The following RFWD3 variants were observed in gnomAD, a reference collection of about 807,000 sequenced individuals.
RFWD3 encodes the protein ring finger and WD repeat domain 3.
RFWD3 carries 65 observed loss-of-function variants against 87.7 expected under a neutral mutation model. The observed-to-expected ratio is 0.74, with a 90% CI of 0.61 to 0.91. The LOEUF is 0.91. Among genes scored for constraint, RFWD3 ranks in the 40% least tolerant of loss-of-function variants. The pLI is 0.00. For synonymous variants in RFWD3, 433 were observed against 352.8 expected (o/e 1.23, Z -2.55); for missense variants, 1,078 against 938.5 (o/e 1.15, Z -1.94).
chr16:74,630,556 G>A (rs1037105195), intron 10 of RFWD3, among the ~76,000 whole-genome samples: 1 of 152,150 alleles, frequency 6.6e-6, no homozygotes, highest in Non-Finnish European at 1.5e-5. Context: ...TGATTACTAT[G>A]AACCTGGCTA....
chr16:74,637,966 G>A lies in RFWD3; in HGVS notation c.1084C>T (p.Leu362=), dbSNP rs1462119317. The A allele has an allele frequency of 6.2e-7, 1 of 1,605,562 alleles. No homozygotes were observed. The highest frequency in any genetic ancestry group is 8.5e-7 in the Non-Finnish European group (1 of 1,175,350). ...TSEQERMKSS[L]LKEQMLRKQA... is the part of the protein sequence containing the mutation. ...TTCCTTAGCATCTGTTCCTTCAGTA[G>A]GGAACTAGAGGGGGAAAGCCAGCAA... Residue 362 remains leucine (L), a synonymous_variant, in exon 7 of 13, where the codon CTA becomes TTA. Transcript: ENST00000361070.
chr16:74,647,241 ACAG>A (rs1378616990), intron 4 of RFWD3, among the ~76,000 whole-genome samples: 1 of 152,214 alleles, frequency 6.6e-6, no homozygotes, highest in Non-Finnish European at 1.5e-5. Context: ...GGAAGAATTC[ACAG>A]CAGATGTAAA....
chr16:74,663,966 A>G (rs918342006), intron 1 of RFWD3, among the ~76,000 whole-genome samples: 1 of 152,226 alleles, frequency 6.6e-6, no homozygotes, highest in African/African-American at 2.4e-5. Context: ...AGCCAGCTAA[A>G]ACAAAACACA....
Position 74,661,098 on chromosome 16 carries a change from GCAA to G in RFWD3, c.349_351del (p.Leu117del). ...CCGCTGATGAAGTTGGTCATTGAATGCAACGAAGATGCTGGGATGGTGTGATTA... is the reference window on the plus strand; with the variant it reads ...CCGCTGATGAAGTTGGTCATTGAATGCGAAGATGCTGGGATGGTGTGATTA... On this transcript the variant is annotated inframe_deletion, in exon 2 of 13. Transcript: ENST00000361070. 6.2e-7 allele frequency: 1 copy of G among 1,614,206 alleles called. No homozygotes were observed. Among genetic ancestry groups the G allele is most frequent in the South Asian group, 1.1e-5 (1 of 91,090 alleles).
intron 6 of RFWD3, among the ~76,000 whole-genome samples, chr16:74,640,180 T>C (rs1333478545): frequency 6.6e-6 from 1 of 151,664 alleles, no homozygotes; most frequent in Non-Finnish European, 1.5e-5. Context: ...TCTTGCTCTG[T>C]TGCCCAGGTT....
chr16:74,639,096 T>C (rs1265262844), intron 6 of RFWD3, among the ~76,000 whole-genome samples: 1 of 149,478 alleles, frequency 6.7e-6, no homozygotes, highest in Admixed American at 6.8e-5. Context: ...TGCAGAGCAG[T>C]GGCGTGATCC....
At chr16:74,645,775 C>CA (rs1373121695) in intron 4 of RFWD3, among the ~76,000 whole-genome samples, 1 of 101,852 alleles carries the variant, frequency 9.8e-6, no homozygotes, top group Non-Finnish European at 1.8e-5. Context: ...TTTTTTGAGA[C>CA]AGACTCTCGC....
intron 1 of RFWD3, 65 bp from the exon 2 acceptor site, chr16:74,661,516 A>G: frequency 7.7e-7 from 1 of 1,292,916 alleles, no homozygotes; most frequent in Non-Finnish European, 1.1e-6. Context: ...TAGGTGACAG[A>G]ATCATATTTA....
At chr16:74,633,869 G>C (rs1005169017) in intron 8 of RFWD3, among the ~76,000 whole-genome samples, 1 of 151,820 alleles carries the variant, frequency 6.6e-6, no homozygotes, top group African/African-American at 2.4e-5. Flanking sequence ...AGGATGACTT[G>C]AGCCCAGGAG....
At chr16:74,635,362 G>C (rs1390226025) in intron 8 of RFWD3, among the ~76,000 whole-genome samples, 1 of 152,008 alleles carries the variant, frequency 6.6e-6, no homozygotes, top group Admixed American at 6.6e-5. Flanking sequence ...AACTACTTGG[G>C]AGGCTGAGGC....
At chr16:74,656,990 T>C (rs79947864) in intron 2 of RFWD3, among the ~76,000 whole-genome samples, 3 of 152,326 alleles carry the variant, frequency 2.0e-5, no homozygotes, top group Non-Finnish European at 4.4e-5. Flanking sequence ...TTCCTTCTTA[T>C]TGGTTAGTTT....
chr16:74,664,751 A>AAGAG (rs1200065966), intron 1 of RFWD3: 1 of 39,218 alleles, frequency 2.5e-5, no homozygotes, highest in Non-Finnish European at 4.7e-5. Flanking sequence ...TCCGTCTAAA[A>AAGAG]AAAGAAAAAA....
rs1958763995 is a variant in RFWD3 at position 74,621,446 on chromosome 16, G to A, written c.*2482C>T. On this transcript the variant is annotated 3_prime_UTR_variant, in exon 13 of 13. Transcript: ENST00000361070. ...CATATTAACAGTAAAACATAAAACA[G>A]AAACATTAAAACAGGGCATAAACAG... 6.6e-6 allele frequency: 1 copy of A among 152,100 alleles called. No homozygotes were observed. Among genetic ancestry groups the A allele is most frequent in the Non-Finnish European group, 1.5e-5 (1 of 68,024 alleles). 9.4% of individuals were successfully genotyped at this position (152,100 alleles called of 1,614,324 possible).
intron 2 of RFWD3, among the ~76,000 whole-genome samples, chr16:74,653,603 A>C (rs1960739013): frequency 1.3e-5 from 2 of 152,240 alleles, no homozygotes; most frequent in Admixed American, 6.5e-5. Context: ...GCTTGAGGCC[A>C]GAAGTTTGAG....
At chr16:74,634,225 C>T (rs767495570) in intron 8 of RFWD3, among the ~76,000 whole-genome samples, 1 of 152,072 alleles carries the variant, frequency 6.6e-6, no homozygotes, top group Non-Finnish European at 1.5e-5. Flanking sequence ...TATGTCACAT[C>T]TGTCTGAAAT....
chr16:74,636,113 A>G (rs1959194129), intron 8 of RFWD3, among the ~76,000 whole-genome samples: 1 of 152,178 alleles, frequency 6.6e-6, no homozygotes, highest in Admixed American at 6.5e-5. Context: ...GGACCTCACC[A>G]TCTGCTTTAT....
At chr16:74,653,968 T>A (rs537777608) in intron 2 of RFWD3, among the ~76,000 whole-genome samples, 123 of 152,322 alleles carry the variant, frequency 8.1e-4, no homozygotes, top group African/African-American at 2.9e-3. Context: ...TTTTCTTTTT[T>A]GGAAATTGAG....
chr16:74,643,617 G>A (rs1266505034), intron 6 of RFWD3, among the ~76,000 whole-genome samples: 1 of 145,640 alleles, frequency 6.9e-6, no homozygotes, highest in Non-Finnish European at 1.5e-5. Flanking sequence ...TCAATGGTGT[G>A]TATGTTCTTT....
chr16:74,649,831 G>A (rs1448775598), intron 3 of RFWD3, among the ~76,000 whole-genome samples: 1 of 151,852 alleles, frequency 6.6e-6, no homozygotes, highest in African/African-American at 2.4e-5. Flanking sequence ...TTTCCCCTCT[G>A]TTTGTCATTG....
Sources: gnomAD v4.1 joint callset for allele counts (sites outside exome capture counted in the v4.1 genomes callset) on GRCh38, gnomAD v4.1.1 for gene constraint, MANE v1.5 for transcripts, NCBI Gene and HGNC (gene_info 2026-07-23, HGNC 2026-07-21) for gene names.